Variants in CDYL2 observed in about 807,000 individuals in gnomAD.
The protein encoded by CDYL2 is chromodomain Y-like protein 2.
In CDYL2, 23 loss-of-function variants were observed where a neutral mutation model predicts 49.4. The ratio of observed to expected loss-of-function variants is 0.47; its 90% CI spans 0.34 to 0.66. CDYL2 has a LOEUF of 0.66. CDYL2 is among the 30% of genes least tolerant of loss of function. The pLI, the probability that CDYL2 is intolerant of heterozygous loss-of-function variation, is 0.01. For synonymous variants in CDYL2, 360 were observed against 268.8 expected, an observed-to-expected ratio of 1.34 and a Z score of -3.32; for missense variants, 678 against 656.4, an observed-to-expected ratio of 1.03 and a Z score of -0.36.
chr16:80,609,460 A>C (rs1391164292), intron 5 of CDYL2, among the ~76,000 whole-genome samples: 1 of 152,152 alleles, frequency 6.6e-6, no homozygotes, highest in Non-Finnish European at 1.5e-5. Flanking sequence ...ACAATCTTTC[A>C]CGCCAGAGTA....
chr16:80,790,322 G>C (rs1391439636), intron 1 of CDYL2, among the ~76,000 whole-genome samples: 1 of 152,168 alleles, frequency 6.6e-6, no homozygotes, highest in Non-Finnish European at 1.5e-5. Flanking sequence ...AGATAGCAAA[G>C]ACTTTGCCAT....
intron 2 of CDYL2, among the ~76,000 whole-genome samples, chr16:80,671,142 T>C (rs1366688845): frequency 3.3e-5 from 5 of 152,134 alleles, no homozygotes; most frequent in Admixed American, 3.3e-4. Flanking sequence ...CCTGGGCTCC[T>C]TATTAATAGC....
At chr16:80,746,216 T>C (rs1291546238) in intron 1 of CDYL2, among the ~76,000 whole-genome samples, 1 of 152,136 alleles carries the variant, frequency 6.6e-6, no homozygotes, top group Admixed American at 6.5e-5. Context: ...CCGCAAATGA[T>C]GGGGGACTAA....
At chr16:80,629,591 A>C (rs1040662701) in intron 3 of CDYL2, among the ~76,000 whole-genome samples, 6 of 151,816 alleles carry the variant, frequency 4.0e-5, no homozygotes, top group African/African-American at 1.5e-4. Flanking sequence ...TGTTTCACTG[A>C]CTCTTTCCTT....
intron 1 of CDYL2, among the ~76,000 whole-genome samples, chr16:80,705,381 G>A (rs1904371431): frequency 6.6e-6 from 1 of 152,218 alleles, no homozygotes; most frequent in Non-Finnish European, 1.5e-5. Context: ...ATGTCATCCA[G>A]ATGCAAACTT....
chr16:80,758,802 A>G (rs1277837822), intron 1 of CDYL2, among the ~76,000 whole-genome samples: 1 of 151,870 alleles, frequency 6.6e-6, no homozygotes, highest in Admixed American at 6.6e-5. Context: ...TCTGCCTCCC[A>G]AAGTGCCGGG....
At chr16:80,757,157 G>C (rs1906339187) in intron 1 of CDYL2, among the ~76,000 whole-genome samples, 1 of 152,126 alleles carries the variant, frequency 6.6e-6, no homozygotes, top group Admixed American at 6.5e-5. Flanking sequence ...TGTTTGCTTA[G>C]GATACAATTG....
chr16:80,692,384 T>C (rs190339622), intron 1 of CDYL2, among the ~76,000 whole-genome samples: 3 of 152,314 alleles, frequency 2.0e-5, no homozygotes, highest in East Asian at 3.9e-4. Flanking sequence ...TTCTATTCTA[T>C]AGCCCAAGTG....
chr16:80,686,956 T>C (rs899009809), intron 1 of CDYL2, among the ~76,000 whole-genome samples: 1 of 152,218 alleles, frequency 6.6e-6, no homozygotes, highest in African/African-American at 2.4e-5. Context: ...TCTGTAACAT[T>C]TTTGAAAAAG....
rs939612781 is a variant in CDYL2, at chr16:80,598,714, T to C, written c.*5674A>G. ...ACACAGTAGAAACACCAACCTGAGA[T>C]AGTGAGCTTCAATTAGAAACTCATC... On this transcript the variant is annotated 3_prime_UTR_variant, in exon 7 of 7. Coordinates refer to ENST00000570137, the MANE Select transcript of CDYL2 (RefSeq NM_152342.4). The C allele has an allele frequency of 2.6e-5, 4 of 152,148 alleles. No homozygotes were observed. Among genetic ancestry groups the C allele is most frequent in the Admixed American group, 6.6e-5 (1 of 15,264 alleles). 9.4% of individuals were successfully genotyped at this position (152,148 alleles called of 1,614,324 possible). A position where few individuals can be genotyped will look rare whatever the true frequency, so the allele number is the denominator to read the frequency against.
At chr16:80,748,415 T>C (rs887516681) in intron 1 of CDYL2, among the ~76,000 whole-genome samples, 2 of 143,222 alleles carry the variant, frequency 1.4e-5, no homozygotes, top group Non-Finnish European at 1.5e-5. Flanking sequence ...TAGTACCAGC[T>C]ACTTGGGAGG....
chr16:80,790,755 G>A (rs375306822), intron 1 of CDYL2, among the ~76,000 whole-genome samples: 3 of 152,144 alleles, frequency 2.0e-5, no homozygotes, highest in Non-Finnish European at 4.4e-5. Context: ...GTCAGTCAGG[G>A]GGGTAGGTCT....
intron 1 of CDYL2, among the ~76,000 whole-genome samples, chr16:80,784,384 T>C (rs1398970397): frequency 6.6e-6 from 1 of 152,238 alleles, no homozygotes; most frequent in African/African-American, 2.4e-5. Context: ...AAAATATTTA[T>C]TCTGCAATTT....
intron 6 of CDYL2, among the ~76,000 whole-genome samples, chr16:80,605,594 C>T (rs1458988938): frequency 6.6e-6 from 1 of 150,542 alleles, no homozygotes; most frequent in East Asian, 1.9e-4. Flanking sequence ...ATCATAGTAA[C>T]AGTAATCATA....
At chr16:80,755,443 G>A (rs546186268) in intron 1 of CDYL2, among the ~76,000 whole-genome samples, 1 of 152,268 alleles carries the variant, frequency 6.6e-6, no homozygotes, top group African/African-American at 2.4e-5. Context: ...ACATCCTGTG[G>A]AAAACAACTC....
chr16:80,652,246 G>C (rs549606770), intron 2 of CDYL2, among the ~76,000 whole-genome samples: 2 of 152,244 alleles, frequency 1.3e-5, no homozygotes, highest in African/African-American at 2.4e-5. Context: ...TGCCAGAACA[G>C]AAGGAAGTGC....
chr16:80,729,620 A>C (rs1320321216), intron 1 of CDYL2, among the ~76,000 whole-genome samples: 6 of 152,158 alleles, frequency 3.9e-5, no homozygotes, highest in South Asian at 2.1e-4. Context: ...ATCTACAGAA[A>C]TCTCCAGCCC....
chr16:80,668,884 G>C (rs1423447547), intron 2 of CDYL2, among the ~76,000 whole-genome samples: 6 of 151,940 alleles, frequency 3.9e-5, no homozygotes, highest in African/African-American at 7.3e-5. Flanking sequence ...GGGCGACAGA[G>C]TCAGACACCA....
intron 1 of CDYL2, among the ~76,000 whole-genome samples, chr16:80,725,010 G>C (rs9937518): frequency 0.44 from 66,563 of 152,032 alleles, 17,273 homozygotes; most frequent in Middle Eastern, 0.64. Flanking sequence ...AGTTAAGCAT[G>C]GTCTAGATGC....
Sources: allele counts gnomAD v4.1 joint callset (sites outside exome capture counted in the v4.1 genomes callset), GRCh38; gene constraint gnomAD v4.1.1; transcripts MANE v1.5; gene names NCBI Gene and HGNC (gene_info 2026-07-23, HGNC 2026-07-21).